The following GASK1B variants were observed in gnomAD, a reference collection of about 807,000 sequenced individuals.
GASK1B encodes Golgi-associated kinase 1B.
A neutral mutation model predicts 42.8 loss-of-function variants in GASK1B; 34 were observed. The ratio of observed to expected loss-of-function variants is 0.79; its 90% CI spans 0.60 to 1.06. The LOEUF is 1.06. Ranked by LOEUF, GASK1B falls within the 50% of genes least tolerant of loss-of-function variation. The probability of loss-of-function intolerance (pLI) is 0.00; values close to 1 mark genes in which losing one functional copy is unlikely to be tolerated. For missense variants in GASK1B, 686 were observed against 661.0 expected (o/e 1.04, Z -0.42); for synonymous variants, 262 against 259.1 (o/e 1.01, Z -0.11).
intron 2 of GASK1B, among the ~76,000 whole-genome samples, chr4:158,161,529 C>T (rs1374034501): frequency 1.3e-5 from 2 of 152,116 alleles, no homozygotes; most frequent in East Asian, 3.9e-4. Flanking sequence ...CTTAAATCGC[C>T]AGTTCTCCTC....
chr4:158,157,906 T>C (rs956395717), intron 2 of GASK1B, among the ~76,000 whole-genome samples: 1 of 152,086 alleles, frequency 6.6e-6, no homozygotes, highest in Non-Finnish European at 1.5e-5. Flanking sequence ...TAAAAATGTA[T>C]AGCTAAGAAA....
Position 158,130,710 on chromosome 4 carries a change from G to A in GASK1B, c.1352+76C>T. On this transcript the variant is annotated intron_variant, in intron 4 of 4. Coordinates refer to ENST00000585682, the MANE Select transcript of GASK1B (RefSeq NM_001128424.2). ...CAAGGGTTAAAATGATCAGATGTAA[G>A]ATGTGAGTTTTCTCAGAACCTTGCT... 8.4e-6 allele frequency: 9 copies of A among 1,070,558 alleles called. No individual in the cohort carries two copies. The South Asian group carries it at 1.3e-4, about 16-fold the overall frequency. The allele number at this position is 1,070,558 out of a possible 1,614,324, so 66.3% of individuals were successfully genotyped here.
intron 3 of GASK1B, among the ~76,000 whole-genome samples, chr4:158,152,317 TG>T (rs1393084696): frequency 3.0e-4 from 46 of 152,198 alleles, no homozygotes; most frequent in Non-Finnish European, 4.0e-4. Flanking sequence ...GTATTAGTTC[TG>T]TCCCTCTAGA....
chr4:158,130,575 C>T (rs981738263), intron 4 of GASK1B, among the ~76,000 whole-genome samples: 3 of 152,086 alleles, frequency 2.0e-5, no homozygotes, highest in Admixed American at 1.3e-4. Context: ...ACTTTGTAGG[C>T]GGTATTGGTT....
At chr4:158,150,599 A>T (rs1731520642) in intron 3 of GASK1B, among the ~76,000 whole-genome samples, 1 of 152,216 alleles carries the variant, frequency 6.6e-6, no homozygotes, top group African/African-American at 2.4e-5. Context: ...TTAACTTCCA[A>T]GTAAAGTAAA....
chr4:158,164,596 C>G (rs1451312479), intron 2 of GASK1B, among the ~76,000 whole-genome samples: 1 of 152,198 alleles, frequency 6.6e-6, no homozygotes, highest in Non-Finnish European at 1.5e-5. Flanking sequence ...ACACAACATA[C>G]TTTCAATCCA....
chr4:158,131,872 T>C (rs1463751445), intron 3 of GASK1B, among the ~76,000 whole-genome samples: 1 of 152,136 alleles, frequency 6.6e-6, no homozygotes, highest in African/African-American at 2.4e-5. Context: ...GGAATGATAC[T>C]CTTTACCTCG....
At position 158,150,502 on chromosome 4, in the gene GASK1B, A is replaced by G. The variant is rs1579031001; in HGVS notation, c.1125+5109T>C. 9.2e-5 allele frequency among the ~76,000 whole-genome samples: 14 copies of G among 152,258 alleles called. No individual in the cohort carries two copies. The South Asian group carries it at 2.7e-3, about 29-fold the overall frequency. ...GAGCATAAAACTGATGCCACCTACT[A>G]TATCATAAGTAATAAAGTCATTTGT... On this transcript the variant is annotated intron_variant, in intron 3 of 4. Coordinates refer to ENST00000585682, the MANE Select transcript of GASK1B (RefSeq NM_001128424.2).
chr4:158,161,172 T>A (rs1008486223), intron 2 of GASK1B, among the ~76,000 whole-genome samples: 4 of 152,100 alleles, frequency 2.6e-5, no homozygotes, highest in Admixed American at 2.6e-4. Context: ...AAAATTTAAA[T>A]TTAAAAAAAT....
intron 2 of GASK1B, among the ~76,000 whole-genome samples, chr4:158,164,709 G>A (rs1022171690): frequency 2.0e-5 from 3 of 152,142 alleles, no homozygotes; most frequent in African/African-American, 7.2e-5. Flanking sequence ...CAGTATGTTC[G>A]CAAGTTGTGA....
At chr4:158,152,709 T>C (rs747175390) in intron 3 of GASK1B, among the ~76,000 whole-genome samples, 4 of 152,138 alleles carry the variant, frequency 2.6e-5, no homozygotes, top group Non-Finnish European at 5.9e-5. Context: ...AGCAAGTCAA[T>C]AAATGAGATA....
chr4:158,128,946 A>G (rs1052446392), intron 4 of GASK1B, among the ~76,000 whole-genome samples: 30 of 152,178 alleles, frequency 2.0e-4, no homozygotes, highest in African/African-American at 7.0e-4. Context: ...CAACTAATTT[A>G]ACTGTGGCAG....
intron 4 of GASK1B, among the ~76,000 whole-genome samples, chr4:158,130,041 G>A (rs980296444): frequency 6.6e-5 from 10 of 152,148 alleles, no homozygotes; most frequent in African/African-American, 2.4e-4. Flanking sequence ...CTGCATTGCA[G>A]AACTCCTTCT....
intron 2 of GASK1B, chr4:158,170,196 G>C (rs779597366): frequency 6.3e-7 from 1 of 1,591,678 alleles, no homozygotes; most frequent in South Asian, 1.1e-5. Context: ...TAAGCCACTG[G>C]GAAGTGAAGC....
intron 3 of GASK1B, among the ~76,000 whole-genome samples, chr4:158,141,680 C>G (rs1157044968): frequency 2.1e-5 from 3 of 144,280 alleles, no homozygotes; most frequent in Non-Finnish European, 4.5e-5. Context: ...GATCTCGGCT[C>G]ACTGCAAGCT....
At chr4:158,131,384 G>A (rs1457939515) in intron 3 of GASK1B, among the ~76,000 whole-genome samples, 1 of 152,228 alleles carries the variant, frequency 6.6e-6, no homozygotes, top group African/African-American at 2.4e-5. Context: ...GCTCTGTCTT[G>A]TTTTCTCCCT....
At chr4:158,135,039 G>A (rs1730829636) in intron 3 of GASK1B, among the ~76,000 whole-genome samples, 1 of 152,082 alleles carries the variant, frequency 6.6e-6, no homozygotes, top group Admixed American at 6.6e-5. Context: ...GCAATAAAAA[G>A]TACTATATTT....
chr4:158,145,725 G>A (rs760212889), intron 3 of GASK1B, among the ~76,000 whole-genome samples: 1 of 152,004 alleles, frequency 6.6e-6, no homozygotes, highest in Non-Finnish European at 1.5e-5. Flanking sequence ...AACTCCTGAG[G>A]GCTGGAAAAT....
Position 158,142,169 on chromosome 4 carries a change from C to T in GASK1B, c.1126-11157G>A, listed in dbSNP as rs971209621. ...CCTTGTTAGCCAGGATGGTCTCGAT[C>T]TCCTGACCTCATGATCCACCCGCCT... On this transcript the variant is annotated intron_variant, in intron 3 of 4. Coordinates refer to ENST00000585682, the MANE Select transcript of GASK1B (RefSeq NM_001128424.2). Among the ~76,000 whole-genome samples, 17 of 139,590 alleles carry T rather than the reference C, an allele frequency of 1.2e-4. No individual in the cohort carries two copies. The South Asian group carries it at 3.3e-3, about 27-fold the overall frequency. 91.6% of individuals were successfully genotyped at this position (139,590 alleles called of 152,430 possible).
Sources: gnomAD v4.1 joint callset for allele counts (sites outside exome capture counted in the v4.1 genomes callset) on GRCh38, gnomAD v4.1.1 for gene constraint, MANE v1.5 for transcripts, NCBI Gene and HGNC (gene_info 2026-07-23, HGNC 2026-07-21) for gene names.